The following NECAB2 variants were observed in gnomAD, a reference collection of about 807,000 sequenced individuals.
NECAB2 encodes the protein N-terminal EF-hand calcium binding protein 2, also known as N-terminal EF-hand calcium-binding protein 2.
Under a neutral mutation model 51.9 loss-of-function variants are expected in NECAB2, and 68 were observed. That is an observed-to-expected ratio of 1.31 (90% CI 1.08 to 1.60). The LOEUF is 1.60. Among genes scored for constraint, NECAB2 ranks in the 40% most tolerant of loss-of-function variants. The pLI is 0.00. For synonymous variants in NECAB2, 329 were observed against 203.5 expected (o/e 1.62, Z -5.25); for missense variants, 854 against 490.3 (o/e 1.74, Z -7.00).
intron 10 of NECAB2, among the ~76,000 whole-genome samples, chr16:83,999,696 G>T (rs531199355): frequency 6.6e-6 from 1 of 152,260 alleles, no homozygotes; most frequent in East Asian, 1.9e-4. Flanking sequence ...GTGAGTGCGG[G>T]CCCCTGGGTC....
At chr16:83,965,913 C>T (rs754200039), upstream of NECAB2, 90 of 1,612,678 alleles carry the variant, frequency 5.6e-5, no homozygotes, top group Non-Finnish European at 6.9e-5. Context: ...GCCATGGGGC[C>T]GCTGGCCGGG....
At chr16:83,992,657 T>C (rs113863447) in intron 6 of NECAB2, among the ~76,000 whole-genome samples, 1 of 152,124 alleles carries the variant, frequency 6.6e-6, no homozygotes, top group Non-Finnish European at 1.5e-5. Context: ...ATTGTGAAGG[T>C]AACTCTGAGA....
chr16:83,982,105 C>G (rs1341771222), intron 5 of NECAB2, among the ~76,000 whole-genome samples: 2 of 152,182 alleles, frequency 1.3e-5, no homozygotes, highest in African/African-American at 2.4e-5. Flanking sequence ...GCATGCAGGA[C>G]CAAGCTCGGA....
intron 5 of NECAB2, among the ~76,000 whole-genome samples, chr16:83,989,564 A>T (rs2151094300): frequency 6.6e-6 from 1 of 152,308 alleles, no homozygotes; most frequent in East Asian, 1.9e-4. Flanking sequence ...TGGCTTGGGA[A>T]GGCGGGGTCT....
chr16:83,969,989 A>G (rs563497850), intron 1 of NECAB2, among the ~76,000 whole-genome samples: 22 of 152,284 alleles, frequency 1.4e-4, no homozygotes, highest in African/African-American at 5.1e-4. Context: ...GCAGGCACAC[A>G]TTCACACACT....
chr16:83,995,924 C>G (rs571055921), intron 8 of NECAB2, among the ~76,000 whole-genome samples: 63 of 152,332 alleles, frequency 4.1e-4, no homozygotes, highest in African/African-American at 8.7e-4. Context: ...GAGGGAGACT[C>G]TGAAGCTTAT....
Position 84,002,511 on chromosome 16 carries a change from A to G in NECAB2, c.*165A>G. Reference sequence around the variant, plus strand: ...AGTGAAGGAGGCCGCCCCTGCCCCCACCTGAGAAGGCAGAGCAGTGTCTGT... The same window carrying G: ...AGTGAAGGAGGCCGCCCCTGCCCCCGCCTGAGAAGGCAGAGCAGTGTCTGT... On this transcript the variant is annotated 3_prime_UTR_variant, in exon 13 of 13. Coordinates refer to ENST00000305202, the MANE Select transcript of NECAB2 (RefSeq NM_019065.3). 1 of 865,442 alleles carries G rather than the reference A, an allele frequency of 1.2e-6. No homozygotes were observed. The highest frequency in any genetic ancestry group is 1.8e-6 in the Non-Finnish European group (1 of 550,248). 53.6% of individuals were successfully genotyped at this position (865,442 alleles called of 1,614,324 possible).
chr16:83,994,400 A>C lies in NECAB2; in HGVS notation c.695A>C (p.Gln232Pro). 1 of 1,614,106 alleles carries C rather than the reference A, an allele frequency of 6.2e-7. No homozygotes were observed. The highest frequency in any genetic ancestry group is 1.3e-5 in the African/African-American group (1 of 75,040). ...AACCACAAGCTCATGGCTATGGAACAAGGCAAGACCCTTCCATCTGGTGAG... is the reference window on the plus strand; with the variant it reads ...AACCACAAGCTCATGGCTATGGAACCAGGCAAGACCCTTCCATCTGGTGAG... ...APNHKLMAME[Q>P]GKTLPSATED... Residue 232 changes from glutamine to proline, a missense_variant, in exon 7 of 13, where the codon CAA becomes CCA. By Grantham distance (76) the Gln-to-Pro change is moderately conservative. Coordinates refer to ENST00000305202, the MANE Select transcript of NECAB2 (RefSeq NM_019065.3).
intron 11 of NECAB2, 137 bp from the exon 12 acceptor site, chr16:84,001,688 C>A (rs1458696925): frequency 1.1e-6 from 1 of 872,114 alleles, no homozygotes; most frequent in Non-Finnish European, 1.8e-6. Flanking sequence ...CACCTTCCCA[C>A]AAAGGCTCTG....
chr16:83,965,246 T>C, upstream of NECAB2: 2 of 1,612,038 alleles, frequency 1.2e-6, no homozygotes, highest in Non-Finnish European at 1.7e-6. Flanking sequence ...GGTGAGCGGC[T>C]TCCTGACCAG....
At chr16:83,984,884 T>C (rs987118391) in intron 5 of NECAB2, among the ~76,000 whole-genome samples, 2 of 152,240 alleles carry the variant, frequency 1.3e-5, no homozygotes, top group Non-Finnish European at 2.9e-5. Context: ...TTTCATGACA[T>C]GTTTTCTTAT....
At chr16:83,995,280 A>G (rs921321686) in intron 8 of NECAB2, among the ~76,000 whole-genome samples, 1 of 152,148 alleles carries the variant, frequency 6.6e-6, no homozygotes, top group Non-Finnish European at 1.5e-5. Flanking sequence ...GGGCCTACAG[A>G]CAGATGGGCT....
intron 2 of NECAB2, among the ~76,000 whole-genome samples, chr16:83,972,655 A>C (rs561289055): frequency 6.6e-6 from 1 of 152,292 alleles, no homozygotes; most frequent in Admixed American, 6.5e-5. Context: ...AGGTTAAGCA[A>C]TTTGCCCCAG....
intron 1 of NECAB2, among the ~76,000 whole-genome samples, chr16:83,970,509 C>T (rs893664889): frequency 4.6e-5 from 7 of 152,102 alleles, no homozygotes; most frequent in East Asian, 3.9e-4. Context: ...TCAGTCTCAC[C>T]GCCCAGGTGC....
intron 9 of NECAB2, among the ~76,000 whole-genome samples, chr16:83,997,586 C>T (rs113697753): frequency 0.071 from 9,937 of 139,744 alleles, 1,071 homozygotes; most frequent in African/African-American, 0.24. Flanking sequence ...CTCCTGGGTT[C>T]AAGCAATTCT....
At chr16:83,989,164 G>T (rs1250872001) in intron 5 of NECAB2, among the ~76,000 whole-genome samples, 1 of 152,072 alleles carries the variant, frequency 6.6e-6, no homozygotes, top group East Asian at 1.9e-4. Flanking sequence ...TCCGTTTTTG[G>T]CCATTCGCGT....
At chr16:83,973,731 A>G (rs953797140) in intron 2 of NECAB2, among the ~76,000 whole-genome samples, 2 of 151,612 alleles carry the variant, frequency 1.3e-5, no homozygotes, top group African/African-American at 4.9e-5. Context: ...TACCCAGCAC[A>G]CAGTAGGTCC....
Position 83,990,643 on chromosome 16 carries a change from G to A in NECAB2, c.596+13G>A, listed in dbSNP as rs759211540. On this transcript the variant is annotated intron_variant, in intron 6 of 12. Coordinates refer to ENST00000305202, the MANE Select transcript of NECAB2 (RefSeq NM_019065.3). Reference sequence around the variant, plus strand: ...CCAGCCAGCTCCGGTGAGTCTCTGAGACCCTGCAGGGTCCCATGGGGGTAT... The same window carrying A: ...CCAGCCAGCTCCGGTGAGTCTCTGAAACCCTGCAGGGTCCCATGGGGGTAT... The A allele has an allele frequency of 1.2e-6, 2 of 1,613,846 alleles. No homozygotes were observed. Among genetic ancestry groups the A allele is most frequent in the Non-Finnish European group, 1.7e-6 (2 of 1,179,984 alleles).
chr16:84,000,058 A>T (rs28505676), intron 10 of NECAB2, among the ~76,000 whole-genome samples: 38 of 118,204 alleles, frequency 3.2e-4, no homozygotes, highest in South Asian at 4.7e-4. Context: ...AGCAAGTTTT[A>T]TTTTTTTTTT....
Sources: gnomAD v4.1 joint callset for allele counts (sites outside exome capture counted in the v4.1 genomes callset) on GRCh38, gnomAD v4.1.1 for gene constraint, MANE v1.5 for transcripts, NCBI Gene and HGNC (gene_info 2026-07-23, HGNC 2026-07-21) for gene names.